The following ANTXR2 variants were observed in gnomAD, a reference collection of about 807,000 sequenced individuals.
ANTXR2 encodes the protein anthrax toxin receptor 2.
A neutral mutation model predicts 73.7 loss-of-function variants in ANTXR2; 44 were observed. The ratio of observed to expected loss-of-function variants is 0.60; its 90% CI spans 0.47 to 0.77. ANTXR2 has a LOEUF of 0.77. Ranked by LOEUF, ANTXR2 falls within the 30% of genes least tolerant of loss-of-function variation. The pLI is 0.00. For synonymous variants in ANTXR2, 217 were observed against 205.9 expected (o/e 1.05, Z -0.46); for missense variants, 604 against 592.5 (o/e 1.02, Z -0.20).
At chr4:80,009,716 G>A (rs1029462630) in intron 11 of ANTXR2, among the ~76,000 whole-genome samples, 1 of 151,552 alleles carries the variant, frequency 6.6e-6, no homozygotes, top group Admixed American at 6.6e-5. Flanking sequence ...GCGTGGTGGC[G>A]GGCACCTGTA....
chr4:79,932,763 G>C (rs1268955858), intron 16 of ANTXR2, among the ~76,000 whole-genome samples: 1 of 119,912 alleles, frequency 8.3e-6, no homozygotes, highest in Non-Finnish European at 1.6e-5. Flanking sequence ...TTGCATTCCA[G>C]CCTGGGCAAC....
intron 16 of ANTXR2, among the ~76,000 whole-genome samples, chr4:79,929,509 A>C (rs1318043899): frequency 1.3e-5 from 2 of 152,112 alleles, no homozygotes; most frequent in Non-Finnish European, 2.9e-5. Context: ...GAGACTCAGT[A>C]TCAACAACAA....
At chr4:79,966,601 G>A (rs1729374885) in intron 16 of ANTXR2, among the ~76,000 whole-genome samples, 1 of 151,998 alleles carries the variant, frequency 6.6e-6, no homozygotes, top group Non-Finnish European at 1.5e-5. Context: ...AAGCAAAAAA[G>A]AACTGAAATT....
At chr4:79,982,009 C>T (rs769323274) in intron 14 of ANTXR2, among the ~76,000 whole-genome samples, 4 of 152,116 alleles carry the variant, frequency 2.6e-5, no homozygotes, top group Non-Finnish European at 5.9e-5. Flanking sequence ...AATAATGTTC[C>T]TTTTAACTCA....
intron 12 of ANTXR2, among the ~76,000 whole-genome samples, chr4:80,006,712 C>T (rs1731320299): frequency 6.6e-6 from 1 of 152,022 alleles, no homozygotes. Context: ...TGATGATTGG[C>T]TCCTCTCCTT....
At chr4:79,952,161 A>G (rs1333393096) in intron 16 of ANTXR2, among the ~76,000 whole-genome samples, 1 of 150,826 alleles carries the variant, frequency 6.6e-6, no homozygotes, top group Non-Finnish European at 1.5e-5. Context: ...TATATATAAT[A>G]GGTATATATA....
At chr4:79,915,858 C>CTATATATATATATA (rs1248612325) in intron 16 of ANTXR2, among the ~76,000 whole-genome samples, 11 of 117,586 alleles carry the variant, frequency 9.4e-5, no homozygotes, top group African/African-American at 3.0e-4. Context: ...CTCTCTCTCT[C>CTATATATATATATA]TCTCTATATA....
At chr4:80,002,046 T>C (rs977508860) in intron 12 of ANTXR2, among the ~76,000 whole-genome samples, 30 of 152,116 alleles carry the variant, frequency 2.0e-4, no homozygotes, top group East Asian at 3.9e-4. Context: ...CTTCACAGAA[T>C]TGGAAAAAAC....
chr4:80,066,050 A>T (rs1734481070), intron 3 of ANTXR2, among the ~76,000 whole-genome samples: 1 of 152,210 alleles, frequency 6.6e-6, no homozygotes, highest in African/African-American at 2.4e-5. Flanking sequence ...CTTCACACTT[A>T]AAAGTGTGTA....
intron 16 of ANTXR2, among the ~76,000 whole-genome samples, chr4:79,946,124 T>C (rs946860003): frequency 2.0e-5 from 3 of 152,164 alleles, no homozygotes; most frequent in Admixed American, 6.5e-5. Flanking sequence ...AGTGTTGTTA[T>C]ATAACGATCC....
At chr4:80,029,103 T>C (rs1188353173) in intron 10 of ANTXR2, among the ~76,000 whole-genome samples, 5 of 152,152 alleles carry the variant, frequency 3.3e-5, no homozygotes, top group Admixed American at 6.6e-5. Context: ...ATATTTATTA[T>C]GCTATGTGTG....
intron 16 of ANTXR2, among the ~76,000 whole-genome samples, chr4:79,950,504 C>G (rs72871884): frequency 3.5e-4 from 53 of 152,276 alleles, no homozygotes; most frequent in African/African-American, 1.2e-3. Flanking sequence ...CTTCTTTCCC[C>G]TCTCCACTCC....
intron 10 of ANTXR2, chr4:80,024,552 G>C (rs1284081822): frequency 9.9e-6 from 3 of 302,914 alleles, no homozygotes; most frequent in Admixed American, 8.9e-5. Context: ...CTTGAGCCCA[G>C]GAGTTTGAGA....
At chr4:79,947,218 G>A (rs1420025424) in intron 16 of ANTXR2, among the ~76,000 whole-genome samples, 2 of 152,106 alleles carry the variant, frequency 1.3e-5, no homozygotes, top group Non-Finnish European at 2.9e-5. Flanking sequence ...GCTAGTTCAT[G>A]TAAACAGGAA....
At chr4:79,910,119 A>C (rs1341556183) in intron 16 of ANTXR2, among the ~76,000 whole-genome samples, 2 of 152,192 alleles carry the variant, frequency 1.3e-5, no homozygotes, top group Non-Finnish European at 1.5e-5. Context: ...GAAGACTAAA[A>C]AATGGGCCTA....
intron 16 of ANTXR2, among the ~76,000 whole-genome samples, chr4:79,976,646 G>A (rs1008872544): frequency 6.6e-6 from 1 of 152,216 alleles, no homozygotes; most frequent in African/African-American, 2.4e-5. Context: ...CTATAGGGTA[G>A]CCCTGCTCCA....
chr4:80,011,273 A>T (rs1027377263), intron 11 of ANTXR2, among the ~76,000 whole-genome samples: 15 of 20,738 alleles, frequency 7.2e-4, no homozygotes, highest in African/African-American at 1.4e-3. Flanking sequence ...TGGTCTTGCT[A>T]TCTATCTATC....
intron 14 of ANTXR2, 38 bp downstream of exon 14, chr4:79,983,840 C>G: frequency 6.8e-7 from 1 of 1,462,096 alleles, no homozygotes; most frequent in South Asian, 1.1e-5. Flanking sequence ...AATACATACT[C>G]CAGATTAGCA....
At chr4:80,045,612 T>G (rs1733484909) in intron 7 of ANTXR2, among the ~76,000 whole-genome samples, 1 of 151,288 alleles carries the variant, frequency 6.6e-6, no homozygotes, top group Non-Finnish European at 1.5e-5. Context: ...ATTGAGCAGC[T>G]TTAAACACTA....
Sources: allele counts gnomAD v4.1 joint callset (sites outside exome capture counted in the v4.1 genomes callset), GRCh38; gene constraint gnomAD v4.1.1; transcripts MANE v1.5; gene names NCBI Gene and HGNC (gene_info 2026-07-23, HGNC 2026-07-21).